MAP3K4: variants seen among roughly 807,000 people sequenced by gnomAD.
MAP3K4 encodes MAP three kinase 1.
In MAP3K4, 67 loss-of-function variants were observed where a neutral mutation model predicts 185.6. That is an observed-to-expected ratio of 0.36 (90% CI 0.30 to 0.44). The LOEUF (loss-of-function observed/expected upper bound fraction) is 0.44, where lower values mean the gene tolerates loss of function less well. Ranked by LOEUF, MAP3K4 falls within the 20% of genes least tolerant of loss-of-function variation. The pLI is 1.00. For missense variants in MAP3K4, 1,551 were observed against 1,995.1 expected (o/e 0.78, Z 4.24); for synonymous variants, 702 against 710.4 (o/e 0.99, Z 0.19).
chr6:161,107,042 A>G lies in MAP3K4; in HGVS notation c.4048+337A>G, dbSNP rs867845906. Among the ~76,000 whole-genome samples, 1 of 141,852 alleles carries G rather than the reference A, an allele frequency of 7.0e-6. No individual in the cohort carries two copies. The highest frequency in any genetic ancestry group is 2.2e-4 in the South Asian group (1 of 4,612). 93.1% of individuals were successfully genotyped at this position (141,852 alleles called of 152,430 possible). A position where few individuals can be genotyped will look rare whatever the true frequency, so the allele number is the denominator to read the frequency against. On this transcript the variant is annotated intron_variant, in intron 20 of 26. Transcript: ENST00000392142. This position sits in a 1 kb window ranked among gnomAD's most constrained non-coding sequence, Gnocchi z 6.2. The stretch of plus-strand genomic sequence containing the variant: ...CTAGTTTCTCTCTCTCTCTCTACAC[A>G]CGCGCGCGCACACACACACACACAC...
chr6:161,115,105 T>G lies in MAP3K4; in HGVS notation c.4627-18T>G. The G allele has an allele frequency of 1.3e-6, 2 of 1,592,046 alleles. No individual in the cohort carries two copies. The highest frequency in any genetic ancestry group is 1.7e-6 in the Non-Finnish European group (2 of 1,166,884). Reference sequence around the variant, plus strand: ...TGTGTAATATTAAAATCTGATTTTTTAAAAACATCTTTTTTAGAGGCCTTG... The same window carrying G: ...TGTGTAATATTAAAATCTGATTTTTGAAAAACATCTTTTTTAGAGGCCTTG... On this transcript the variant is annotated intron_variant, in intron 25 of 26. Transcript: ENST00000392142. This position sits in a 1 kb window ranked among gnomAD's most constrained non-coding sequence, Gnocchi z 6.0.
chr6:161,065,667 G>C (rs1420767145), intron 3 of MAP3K4, among the ~76,000 whole-genome samples: 3 of 152,138 alleles, frequency 2.0e-5, no homozygotes, highest in Admixed American at 2.0e-4. Context: ...GGCTGGGCAC[G>C]GTGGCTTACG....
intron 1 of MAP3K4, among the ~76,000 whole-genome samples, chr6:161,001,450 C>A (rs1781319961): frequency 1.3e-5 from 2 of 152,050 alleles, no homozygotes; most frequent in Admixed American, 6.6e-5. Flanking sequence ...TCCCCCGCTT[C>A]CCCCCAGAAT....
intron 1 of MAP3K4, among the ~76,000 whole-genome samples, chr6:161,027,480 C>T (rs1407309739): frequency 2.0e-5 from 3 of 152,030 alleles, no homozygotes; most frequent in Admixed American, 2.0e-4. Flanking sequence ...ACTGTGAAAG[C>T]TTAGGAAGAA....
At chr6:161,028,258 C>G (rs1782763762) in intron 1 of MAP3K4, among the ~76,000 whole-genome samples, 1 of 151,452 alleles carries the variant, frequency 6.6e-6, no homozygotes, top group Non-Finnish European at 1.5e-5. Context: ...ATTAACTGTC[C>G]AAGCACAAGT....
rs1427906106 is a variant in MAP3K4, at chr6:161,106,906, G to A, written c.4048+201G>A. Among the ~76,000 whole-genome samples the A allele has an allele frequency of 3.3e-5, 5 of 152,112 alleles. No individual in the cohort carries two copies. Among genetic ancestry groups the A allele is most frequent in the Non-Finnish European group, 7.3e-5 (5 of 68,028 alleles). On this transcript the variant is annotated intron_variant, in intron 20 of 26. Coordinates refer to ENST00000392142, the MANE Select transcript of MAP3K4 (RefSeq NM_005922.4). This position sits in a 1 kb window ranked among gnomAD's most constrained non-coding sequence, Gnocchi z 4.9. ...ATGTATTCTAAGAGCAATACAAAAT[G>A]AGATTTTAGAATGAGAAAGAGATTT...
chr6:161,008,008 G>A lies in MAP3K4; in HGVS notation c.152+15925G>A, dbSNP rs1781675542. Among the ~76,000 whole-genome samples, 1 of 152,142 alleles carries A rather than the reference G, an allele frequency of 6.6e-6. No individual in the cohort carries two copies. The highest frequency in any genetic ancestry group is 2.1e-4 in the South Asian group (1 of 4,834). ...TTAAACTTTTTATGTGATAAATATG[G>A]TAAGGCATAGCTATTGTCTTCTATA... On this transcript the variant is annotated intron_variant, in intron 1 of 26. Coordinates refer to ENST00000392142, the MANE Select transcript of MAP3K4 (RefSeq NM_005922.4). This position sits in a 1 kb window ranked among gnomAD's most constrained non-coding sequence, Gnocchi z 4.1.
At chr6:161,000,841 G>A (rs185618193) in intron 1 of MAP3K4, among the ~76,000 whole-genome samples, 1 of 143,932 alleles carries the variant, frequency 6.9e-6, no homozygotes, top group Admixed American at 6.8e-5. Context: ...ACATACACAT[G>A]TGTACGCACA....
intron 1 of MAP3K4, among the ~76,000 whole-genome samples, chr6:161,006,191 C>T (rs1273390731): frequency 6.6e-6 from 1 of 152,148 alleles, no homozygotes; most frequent in Admixed American, 6.5e-5. Context: ...AGTTAGTTTC[C>T]ATGATCCATG....
Position 161,091,647 on chromosome 6 carries a change from T to A in MAP3K4, c.3135+107T>A. On this transcript the variant is annotated intron_variant, in intron 12 of 26. Coordinates refer to ENST00000392142, the MANE Select transcript of MAP3K4 (RefSeq NM_005922.4). The surrounding 1 kb of genome is among the most constrained non-coding windows in gnomAD (Gnocchi z 5.5). Reference sequence around the variant, plus strand: ...TAAATCTGATATTGTAATCATAGCTTAATCAAGAATATCATCTTATATCAC... The same window carrying A: ...TAAATCTGATATTGTAATCATAGCTAAATCAAGAATATCATCTTATATCAC... 1 of 950,812 alleles carries A rather than the reference T, an allele frequency of 1.1e-6. No individual in the cohort carries two copies. The highest frequency in any genetic ancestry group is 1.6e-6 in the Non-Finnish European group (1 of 626,722). 58.9% of individuals were successfully genotyped at this position (950,812 alleles called of 1,614,324 possible). A position where few individuals can be genotyped will look rare whatever the true frequency, so the allele number is the denominator to read the frequency against.
In MAP3K4 at chr6:161,037,219, C is replaced by CA. The variant is rs1470659384; in HGVS notation, c.343+2771dup. Among the ~76,000 whole-genome samples, 1 of 152,158 alleles carries CA rather than the reference C, an allele frequency of 6.6e-6. No individual in the cohort carries two copies. Among genetic ancestry groups the CA allele is most frequent in the Non-Finnish European group, 1.5e-5 (1 of 68,034 alleles). On this transcript the variant is annotated intron_variant, in intron 2 of 26. Transcript: ENST00000392142. This position sits in a 1 kb window ranked among gnomAD's most constrained non-coding sequence, Gnocchi z 4.2. ...TAGTCTTTGAGAATTTATTTGTTCTCAGACTATTGCAGCACAGCATGGTGG... is the reference window on the plus strand; with the variant it reads ...TAGTCTTTGAGAATTTATTTGTTCTCAAGACTATTGCAGCACAGCATGGTGG...
At position 161,084,693 on chromosome 6, in the gene MAP3K4, GC is replaced by G. The variant is rs1412651772; in HGVS notation, c.2372+78del. Reference sequence around the variant, plus strand: ...TCCTCATGGTGAGATCCTAGAAGGAGCCTTGTTCAAACCAAATTGTGTTGGC... The same window carrying G: ...TCCTCATGGTGAGATCCTAGAAGGAGCTTGTTCAAACCAAATTGTGTTGGC... On this transcript the variant is annotated intron_variant, in intron 7 of 26. Transcript: ENST00000392142. This position sits in a 1 kb window ranked among gnomAD's most constrained non-coding sequence, Gnocchi z 4.6. 2 of 879,804 alleles carry G rather than the reference GC, an allele frequency of 2.3e-6. No individual in the cohort carries two copies. Among genetic ancestry groups the G allele is most frequent in the East Asian group, 5.0e-5 (2 of 40,098 alleles). 54.5% of individuals were successfully genotyped at this position (879,804 alleles called of 1,614,324 possible).
rs1782159736 is a variant in MAP3K4 at position 161,017,262 on chromosome 6, TA to T, written c.153-16996del. On this transcript the variant is annotated intron_variant, in intron 1 of 26. Transcript: ENST00000392142. The surrounding 1 kb of genome is among the most constrained non-coding windows in gnomAD (Gnocchi z 5.1). ...ATTGAGTGTTTCCTGTCTTAATTAG[TA>T]TATTAGAATTTTTATTTCGATGATC... Among the ~76,000 whole-genome samples, 1 of 152,136 alleles carries T rather than the reference TA, an allele frequency of 6.6e-6. No homozygotes were observed. Among genetic ancestry groups the T allele is most frequent in the African/African-American group, 2.4e-5 (1 of 41,440 alleles).
In MAP3K4 at chr6:161,101,276, A is replaced by G. The variant is rs1457769234; in HGVS notation, c.3675-616A>G. 1 of 152,120 alleles carries G rather than the reference A, an allele frequency of 6.6e-6. No homozygotes were observed. Among genetic ancestry groups the G allele is most frequent in the East Asian group, 1.9e-4 (1 of 5,184 alleles). 9.4% of individuals were successfully genotyped at this position (152,120 alleles called of 1,614,324 possible). A position where few individuals can be genotyped will look rare whatever the true frequency, so the allele number is the denominator to read the frequency against. On this transcript the variant is annotated intron_variant, in intron 17 of 26. Coordinates refer to ENST00000392142, the MANE Select transcript of MAP3K4 (RefSeq NM_005922.4). This position sits in a 1 kb window ranked among gnomAD's most constrained non-coding sequence, Gnocchi z 5.1. ...TATATTAAGCTTCCTGCTCTTTTGC[A>G]CTTTTGCTTGGCTACTGCTTGAGAA...
rs11458275 is a variant in MAP3K4 at position 161,097,781 on chromosome 6, GT to G, written c.3525-487del. Among the ~76,000 whole-genome samples, 122 of 150,118 alleles carry G rather than the reference GT, an allele frequency of 8.1e-4. No homozygotes were observed. Among genetic ancestry groups the G allele is most frequent in the African/African-American group, 2.8e-3 (115 of 40,916 alleles). On this transcript the variant is annotated intron_variant, in intron 16 of 26. Transcript: ENST00000392142. The surrounding 1 kb of genome is among the most constrained non-coding windows in gnomAD (Gnocchi z 4.9). ...TGCTAGATAAGGACCACAGTTTTTT[GT>G]TTTTTTTTTAAAGCTTTGAGGGGAC...
Position 161,112,599 on chromosome 6 carries a change from C to A in MAP3K4, c.4520-69C>A. On this transcript the variant is annotated intron_variant, in intron 24 of 26. Transcript: ENST00000392142. The surrounding 1 kb of genome is among the most constrained non-coding windows in gnomAD (Gnocchi z 5.1). ...AATATTGTACAATATTAATTTATTG[C>A]TTGGCTCTATTAATACATGTTGATG... 1 of 901,380 alleles carries A rather than the reference C, an allele frequency of 1.1e-6. No homozygotes were observed. The highest frequency in any genetic ancestry group is 1.6e-6 in the Non-Finnish European group (1 of 637,150). 55.8% of individuals were successfully genotyped at this position (901,380 alleles called of 1,614,324 possible).
In MAP3K4 at chr6:161,067,839, A is replaced by G. The variant is rs1398065615; in HGVS notation, c.1708-2769A>G. Among the ~76,000 whole-genome samples the G allele has an allele frequency of 6.6e-6, 1 of 152,246 alleles. No homozygotes were observed. Among genetic ancestry groups the G allele is most frequent in the East Asian group, 1.9e-4 (1 of 5,200 alleles). On this transcript the variant is annotated intron_variant, in intron 3 of 26. Coordinates refer to ENST00000392142, the MANE Select transcript of MAP3K4 (RefSeq NM_005922.4). This position sits in a 1 kb window ranked among gnomAD's most constrained non-coding sequence, Gnocchi z 6.3. ...TAAGTGTATCTCAGTTATGCCAAGT[A>G]TATGTTATTCTTTTTGAAAATCAAA...
chr6:161,021,833 A>G (rs985942458), intron 1 of MAP3K4, among the ~76,000 whole-genome samples: 4 of 152,216 alleles, frequency 2.6e-5, no homozygotes, highest in Admixed American at 2.0e-4. Flanking sequence ...TTGAGGTGCT[A>G]ATAGTGTAAT....
Position 161,097,400 on chromosome 6 carries a change from G to A in MAP3K4, c.3524+224G>A, listed in dbSNP as rs1254755755. 6.6e-6 allele frequency among the ~76,000 whole-genome samples: 1 copy of A among 152,216 alleles called. No individual in the cohort carries two copies. The highest frequency in any genetic ancestry group is 2.4e-5 in the African/African-American group (1 of 41,444). ...CCTTTCAAGATAACTTCGTTTCTCA[G>A]CTTATTTATAACCTCAAGCTACTAC... is the stretch of plus-strand genomic sequence containing the variant. On this transcript the variant is annotated intron_variant, in intron 16 of 26. Transcript: ENST00000392142. This position sits in a 1 kb window ranked among gnomAD's most constrained non-coding sequence, Gnocchi z 4.9.
Sources: allele counts gnomAD v4.1 joint callset (sites outside exome capture counted in the v4.1 genomes callset), GRCh38; gene constraint gnomAD v4.1.1; non-coding constraint Gnocchi (gnomAD v3.1); transcripts MANE v1.5; gene names NCBI Gene and HGNC (gene_info 2026-07-23, HGNC 2026-07-21).